The following MEF2C variants were observed in gnomAD, a reference collection of about 807,000 sequenced individuals.
MEF2C encodes the protein myocyte enhancer factor 2C, also known as myocyte-specific enhancer factor 2C.
A neutral mutation model predicts 50.5 loss-of-function variants in MEF2C; 6 were observed. That is an observed-to-expected ratio of 0.12 (90% CI 0.07 to 0.23). The LOEUF (loss-of-function observed/expected upper bound fraction) is 0.23, where lower values mean the gene tolerates loss of function less well. MEF2C is among the 10% of genes least tolerant of loss of function. The pLI is 1.00. For synonymous variants in MEF2C, 183 were observed against 228.0 expected, an observed-to-expected ratio of 0.80 and a Z score of 1.78; for missense variants, 276 against 605.0, an observed-to-expected ratio of 0.46 and a Z score of 5.70.
chr5:88,776,177 T>C (rs890709338), intron 3 of MEF2C, among the ~76,000 whole-genome samples: 2 of 152,158 alleles, frequency 1.3e-5, no homozygotes, highest in Admixed American at 1.3e-4. Context: ...ACTGTTATGA[T>C]GAACTTTTCC....
chr5:88,891,393 C>CTTTTTTTTT lies in MEF2C; in HGVS notation c.-239-3804_-239-3796dup, dbSNP rs771799863. On this transcript the variant is annotated intron_variant, in intron 1 of 11. Transcript: ENST00000340208. ...TCAGAAATGTTAATAACCAACCAAC[C>CTTTTTTTTT]TTTTTTTTTTTTTTTTTTTTTTGAG... Among the ~76,000 whole-genome samples, 194 of 104,840 alleles carry CTTTTTTTTT rather than the reference C, an allele frequency of 1.9e-3. 3 individuals carry two copies. Among genetic ancestry groups the CTTTTTTTTT allele is most frequent in the African/African-American group, 5.6e-3 (134 of 24,072 alleles). The allele number at this position is 104,840 out of a possible 152,430, so 68.8% of individuals were successfully genotyped here. A position where few individuals can be genotyped will look rare whatever the true frequency, so the allele number is the denominator to read the frequency against.
At chr5:88,792,516 G>A (rs1047774068) in intron 3 of MEF2C, among the ~76,000 whole-genome samples, 1 of 152,088 alleles carries the variant, frequency 6.6e-6, no homozygotes, top group Non-Finnish European at 1.5e-5. Flanking sequence ...AATTAATTTT[G>A]GTATTAATTT....
At chr5:88,882,779 G>C (rs1833337734) in intron 1 of MEF2C, among the ~76,000 whole-genome samples, 176 bp downstream of exon 1, 1 of 152,072 alleles carries the variant, frequency 6.6e-6, no homozygotes, top group South Asian at 2.1e-4. Flanking sequence ...GTTACTTTTA[G>C]CAACAAACAA....
At chr5:88,820,668 A>G (rs1325892053) in intron 2 of MEF2C, among the ~76,000 whole-genome samples, 1 of 152,048 alleles carries the variant, frequency 6.6e-6, no homozygotes, top group African/African-American at 2.4e-5. Flanking sequence ...GTTCTACTGG[A>G]CAGTCTACAG....
intron 1 of MEF2C, among the ~76,000 whole-genome samples, chr5:88,848,863 T>G (rs1820253054): frequency 6.6e-6 from 1 of 152,116 alleles, no homozygotes; most frequent in Non-Finnish European, 1.5e-5. Context: ...TAAAATAATA[T>G]TATTGTGAGC....
At chr5:88,841,174 T>C (rs997364374) in intron 1 of MEF2C, among the ~76,000 whole-genome samples, 2 of 152,172 alleles carry the variant, frequency 1.3e-5, no homozygotes, top group African/African-American at 2.4e-5. Flanking sequence ...TAACAGCCTA[T>C]GGCCCCGTAA....
At chr5:88,746,938 A>G (rs1249267978) in intron 6 of MEF2C, among the ~76,000 whole-genome samples, 1 of 152,188 alleles carries the variant, frequency 6.6e-6, no homozygotes, top group African/African-American at 2.4e-5. Flanking sequence ...TGCAATCAAG[A>G]TATAATATTT....
chr5:88,778,914 C>A (rs1304695157), intron 3 of MEF2C, among the ~76,000 whole-genome samples: 1 of 152,220 alleles, frequency 6.6e-6, no homozygotes, highest in Non-Finnish European at 1.5e-5. Context: ...CTGGCAGGAC[C>A]TGACTCAGCG....
intron 1 of MEF2C, among the ~76,000 whole-genome samples, chr5:88,889,639 G>C (rs995704794): frequency 1.3e-5 from 2 of 151,890 alleles, no homozygotes; most frequent in Non-Finnish European, 1.5e-5. Context: ...ATTTAGTTGG[G>C]GGTTGTGGAA....
intron 6 of MEF2C, among the ~76,000 whole-genome samples, chr5:88,745,302 T>C (rs1768870526): frequency 6.6e-6 from 1 of 152,236 alleles, no homozygotes; most frequent in African/African-American, 2.4e-5. Flanking sequence ...AAATGTAATG[T>C]TGGTACAGGC....
At position 88,719,669 on chromosome 5, in the gene MEF2C, T is replaced by C. The variant is rs1310797926; in HGVS notation, c.*2935A>G. On this transcript the variant is annotated 3_prime_UTR_variant, in exon 11 of 11. Transcript: ENST00000504921. ...TTTGCAAATACAATAAATGGTAAAT[T>C]ACAGATAAGGTATAAGGGTAAAGAT... 1.3e-5 allele frequency: 2 copies of C among 152,320 alleles called. No homozygotes were observed. The highest frequency in any genetic ancestry group is 2.9e-5 in the Non-Finnish European group (2 of 67,990). 9.4% of individuals were successfully genotyped at this position (152,320 alleles called of 1,614,324 possible).
At chr5:88,823,595 C>T (rs886185360) in intron 2 of MEF2C, 140 bp downstream of exon 2, 9 of 677,048 alleles carry the variant, frequency 1.3e-5, no homozygotes, top group Non-Finnish European at 2.2e-5. Flanking sequence ...AGACTATCAG[C>T]ACTTTAACTG....
chr5:88,763,430 C>T (rs1036402166), intron 3 of MEF2C, among the ~76,000 whole-genome samples: 4 of 152,126 alleles, frequency 2.6e-5, no homozygotes, highest in Non-Finnish European at 4.4e-5. Context: ...ATCTCAACCA[C>T]AAAAACATTC....
chr5:88,773,609 C>T (rs1314136629), intron 3 of MEF2C, among the ~76,000 whole-genome samples: 2 of 152,184 alleles, frequency 1.3e-5, no homozygotes, highest in African/African-American at 2.4e-5. Flanking sequence ...GGATATCTGA[C>T]AGTAGAATGT....
chr5:88,793,111 T>C (rs764081116), intron 3 of MEF2C, among the ~76,000 whole-genome samples: 4 of 152,246 alleles, frequency 2.6e-5, no homozygotes, highest in Non-Finnish European at 5.9e-5. Flanking sequence ...AGTGCTCTGA[T>C]GGGAAAGATA....
Position 88,849,450 on chromosome 5 carries a change from T to C in MEF2C, c.-142-25520A>G, listed in dbSNP as rs556719654. On this transcript the variant is annotated intron_variant, in intron 1 of 10. Coordinates refer to ENST00000504921, the MANE Select transcript of MEF2C (RefSeq NM_002397.5). ...ACATAATATATATACAGAGAATGAG[T>C]GTGATATTTGACTAACATGCAATGT... Among the ~76,000 whole-genome samples the C allele has an allele frequency of 1.0e-3, 156 of 152,028 alleles. 1 individual carries two copies. The highest frequency in any genetic ancestry group is 3.6e-3 in the African/African-American group (149 of 41,500).
At chr5:88,770,541 C>T (rs1561928537) in intron 3 of MEF2C, among the ~76,000 whole-genome samples, 2 of 152,154 alleles carry the variant, frequency 1.3e-5, no homozygotes, top group African/African-American at 2.4e-5. Flanking sequence ...ATCTCTTCTA[C>T]TATATCATTT....
At chr5:88,886,669 A>G (rs773393142), upstream of MEF2C, among the ~76,000 whole-genome samples, 42 of 152,086 alleles carry the variant, frequency 2.8e-4, 1 homozygote, top group Non-Finnish European at 3.1e-4. Flanking sequence ...ACCAGCTTTT[A>G]TTTTTTTCTA....
intron 6 of MEF2C, chr5:88,746,598 T>C (rs1769779498): frequency 1.3e-5 from 13 of 985,452 alleles, no homozygotes; most frequent in Non-Finnish European, 1.6e-5. Context: ...ATTTGGAAGC[T>C]ATATTTTGGC....
Sources: allele counts gnomAD v4.1 joint callset (sites outside exome capture counted in the v4.1 genomes callset), GRCh38; gene constraint gnomAD v4.1.1; transcripts MANE v1.5; gene names NCBI Gene and HGNC (gene_info 2026-07-23, HGNC 2026-07-21).